CCDC63: variants seen among roughly 807,000 people sequenced by gnomAD.
CCDC63 encodes coiled-coil domain-containing protein 63.
A neutral mutation model predicts 63.6 loss-of-function variants in CCDC63; 54 were observed. The ratio of observed to expected loss-of-function variants is 0.85; its 90% CI spans 0.68 to 1.07. The LOEUF (loss-of-function observed/expected upper bound fraction) is 1.07. CCDC63 is among the 50% of genes least tolerant of loss of function. The pLI, the probability that CCDC63 is intolerant of heterozygous loss-of-function variation, is 0.00. For missense variants in CCDC63, 637 were observed against 689.6 expected (o/e 0.92, Z 0.86); for synonymous variants, 253 against 266.1 (o/e 0.95, Z 0.48).
chr12:110,872,773 A>T (rs1448055727), intron 4 of CCDC63, among the ~76,000 whole-genome samples: 1 of 152,152 alleles, frequency 6.6e-6, no homozygotes, highest in Non-Finnish European at 1.5e-5. Context: ...CTATAGGTGC[A>T]TGCCACCAAG....
intron 11 of CCDC63, 132 bp downstream of exon 11, chr12:110,904,923 T>TG: frequency 1.6e-6 from 1 of 615,164 alleles, no homozygotes; most frequent in Middle Eastern, 4.0e-4. Flanking sequence ...TGAGCTCTTG[T>TG]GGCCTGCCAG....
intron 4 of CCDC63, among the ~76,000 whole-genome samples, chr12:110,866,433 G>A (rs1593653550): frequency 6.8e-6 from 1 of 148,132 alleles, no homozygotes; most frequent in East Asian, 2.0e-4. Context: ...GTGAACAAAG[G>A]TCTCTGGTTT....
In CCDC63 at chr12:110,898,917, T is replaced by C. The variant is rs2071448607; in HGVS notation, c.1150-16T>C. The C allele has an allele frequency of 1.9e-6, 3 of 1,570,118 alleles. No individual in the cohort carries two copies. The highest frequency in any genetic ancestry group is 2.6e-6 in the Non-Finnish European group (3 of 1,154,882). On this transcript the variant is annotated splice_polypyrimidine_tract_variant and intron_variant, in intron 9 of 11. Transcript: ENST00000308208. ...AAAGTCCTCCTGAGCAGGTGGGAAT[T>C]GGGGTCTGCCACCAGGATAAACTGA...
At chr12:110,879,787 C>A in intron 5 of CCDC63, 119 bp from the exon 6 acceptor site, 1 of 927,846 alleles carries the variant, frequency 1.1e-6, no homozygotes. Flanking sequence ...TCCAACCACT[C>A]CTCCATGGCC....
intron 1 of CCDC63, among the ~76,000 whole-genome samples, chr12:110,848,003 G>A (rs1298111889): frequency 6.6e-5 from 10 of 152,272 alleles, no homozygotes. Context: ...GGGGCAGGAG[G>A]CCCTTGCCTG....
chr12:110,892,961 C>T, intron 8 of CCDC63, 115 bp from the exon 9 acceptor site: 1 of 810,316 alleles, frequency 1.2e-6, no homozygotes, highest in East Asian at 2.5e-5. Context: ...GTTTGGGGCT[C>T]TTTGAAACGG....
rs1369249151 is a variant in CCDC63 at position 110,884,188 on chromosome 12, A to C, written c.1012A>C (p.Thr338Pro). 2 of 1,613,992 alleles carry C rather than the reference A, an allele frequency of 1.2e-6. No homozygotes were observed. The highest frequency in any genetic ancestry group is 1.7e-6 in the Non-Finnish European group (2 of 1,180,028). ...AKEEKNFARFTYVTELNNDME... is the reference protein window; with the variant it reads ...AKEEKNFARFPYVTELNNDME... ...GGAGGAGAAGAATTTTGCTCGGTTC[A>C]CGTATGTCACGGAGCTCAACAACGA... Residue 338 changes from threonine (T) to proline (P), a missense_variant, in exon 8 of 12, where the codon ACG becomes CCG. By Grantham distance (38) the Thr-to-Pro change is conservative. Transcript: ENST00000308208.
chr12:110,858,710 A>G lies in CCDC63; in HGVS notation c.304A>G (p.Thr102Ala), dbSNP rs2070811729. ...NYMELRLLLQ[T>A]KEDYEALIKS... ...CATGGAGCTGCGACTCCTGCTCCAA[A>G]CTAAGGAGGACTATGAGGCATTGAT... The change falls in exon 4 of 12, where the codon ACT becomes GCT. Residue 102 changes from threonine (T) to alanine (A), a missense_variant. Coordinates refer to ENST00000308208, the MANE Select transcript of CCDC63 (RefSeq NM_152591.3). The G allele has an allele frequency of 1.9e-6, 3 of 1,614,024 alleles. No homozygotes were observed. The highest frequency in any genetic ancestry group is 2.5e-6 in the Non-Finnish European group (3 of 1,180,032).
At chr12:110,905,815 T>C (rs952867108) in intron 11 of CCDC63, among the ~76,000 whole-genome samples, 2 of 131,488 alleles carry the variant, frequency 1.5e-5, no homozygotes, top group African/African-American at 2.9e-5. Context: ...GGCACACACA[T>C]GCGTGTGTAC....
At chr12:110,878,410 G>A (rs1017484320) in intron 5 of CCDC63, among the ~76,000 whole-genome samples, 32 of 152,186 alleles carry the variant, frequency 2.1e-4, no homozygotes, top group African/African-American at 7.5e-4. Context: ...TGCCTCCCAG[G>A]TTCAAATGAT....
intron 11 of CCDC63, among the ~76,000 whole-genome samples, chr12:110,906,401 C>A (rs1410766303): frequency 1.3e-5 from 2 of 150,468 alleles, no homozygotes; most frequent in East Asian, 1.9e-4. Flanking sequence ...GCATAAAAAA[C>A]CAAACAGAGG....
intron 4 of CCDC63, among the ~76,000 whole-genome samples, chr12:110,866,108 G>C (rs1483581365): frequency 2.0e-5 from 3 of 152,104 alleles, no homozygotes; most frequent in Non-Finnish European, 4.4e-5. Flanking sequence ...CTGCCAAGTA[G>C]CTGGGATTAC....
intron 11 of CCDC63, among the ~76,000 whole-genome samples, chr12:110,906,855 A>C (rs1372516166): frequency 6.6e-6 from 1 of 152,182 alleles, no homozygotes; most frequent in South Asian, 2.1e-4. Flanking sequence ...AAATGTACAG[A>C]TACTGTCTTC....
chr12:110,882,048 A>G (rs2071215722), intron 7 of CCDC63, among the ~76,000 whole-genome samples: 2 of 152,150 alleles, frequency 1.3e-5, no homozygotes, highest in Admixed American at 1.3e-4. Context: ...CTCAGCACTG[A>G]GGCACATTCA....
intron 8 of CCDC63, among the ~76,000 whole-genome samples, chr12:110,887,687 A>G (rs2071302083): frequency 1.3e-5 from 2 of 151,908 alleles, no homozygotes; most frequent in African/African-American, 2.4e-5. Context: ...ACCCCTCCCT[A>G]GAGGGCTGGG....
chr12:110,907,231 T>C lies in CCDC63; in HGVS notation c.1547-100T>C, dbSNP rs910001198. 8.8e-7 allele frequency: 1 copy of C among 1,141,416 alleles called. No homozygotes were observed. The highest frequency in any genetic ancestry group is 2.5e-5 in the Admixed American group (1 of 40,178). 70.7% of individuals were successfully genotyped at this position (1,141,416 alleles called of 1,614,324 possible). ...CCTCCTTGAAACCTGAGAATTTCCA[T>C]GCTCCACTCCCCAGTGCTATGGAGG... is the stretch of plus-strand genomic sequence containing the variant. On this transcript the variant is annotated intron_variant, in intron 11 of 11. Transcript: ENST00000308208. The surrounding 1 kb of genome is among the most constrained non-coding windows in gnomAD (Gnocchi z 4.4).
At chr12:110,891,536 G>T (rs777711124) in intron 8 of CCDC63, among the ~76,000 whole-genome samples, 2 of 146,746 alleles carry the variant, frequency 1.4e-5, no homozygotes, top group Admixed American at 7.0e-5. Flanking sequence ...GGTCCCAACT[G>T]CTTGAGAGGC....
chr12:110,853,065 G>A, intron 2 of CCDC63, 102 bp downstream of exon 2: 1 of 1,344,832 alleles, frequency 7.4e-7, no homozygotes, highest in Non-Finnish European at 1.1e-6. Context: ...AAACAGATCT[G>A]TGCTCACCCA....
intron 4 of CCDC63, among the ~76,000 whole-genome samples, chr12:110,862,265 T>C (rs947271455): frequency 2.0e-5 from 3 of 152,148 alleles, no homozygotes; most frequent in African/African-American, 7.2e-5. Context: ...GTGCAAACCA[T>C]CTTTGCCCAA....
Sources: allele counts gnomAD v4.1 joint callset (sites outside exome capture counted in the v4.1 genomes callset), GRCh38; gene constraint gnomAD v4.1.1; non-coding constraint Gnocchi (gnomAD v3.1); transcripts MANE v1.5; gene names NCBI Gene and HGNC (gene_info 2026-07-23, HGNC 2026-07-21).